The following HERC1 variants were observed in gnomAD, a reference collection of about 807,000 sequenced individuals.
The protein encoded by HERC1 is probable E3 ubiquitin-protein ligase HERC1.
In HERC1, 160 loss-of-function variants were observed where a neutral mutation model predicts 554.3. That is an observed-to-expected ratio of 0.29 (90% CI 0.25 to 0.33). The LOEUF is 0.33. HERC1 is among the 10% of genes least tolerant of loss of function. The pLI is 1.00. For missense variants in HERC1, 4,919 were observed against 5,918.5 expected, an observed-to-expected ratio of 0.83 and a Z score of 5.54; for synonymous variants, 2,175 against 2,131.7, an observed-to-expected ratio of 1.02 and a Z score of -0.56.
In HERC1 at chr15:63,617,254, C is replaced by T. The variant is rs1015301608; in HGVS notation, c.13689-572G>A. Among the ~76,000 whole-genome samples, 14 of 152,186 alleles carry T rather than the reference C, an allele frequency of 9.2e-5. No homozygotes were observed. The East Asian group carries it at 2.1e-3, about 23-fold the overall frequency. On this transcript the variant is annotated intron_variant, in intron 74 of 77. Transcript: ENST00000443617. ...CAATTCCCACCTATGAGTGAGAACA[C>T]GAAGTGTTTGGTTTTTTGTCCTTGC...
chr15:63,808,773 G>C (rs2077208215), intron 1 of HERC1, among the ~76,000 whole-genome samples: 1 of 152,166 alleles, frequency 6.6e-6, no homozygotes, highest in Admixed American at 6.5e-5. Flanking sequence ...GACACTAGAT[G>C]TCAACAGAAG....
intron 56 of HERC1, 103 bp downstream of exon 56, chr15:63,645,380 T>C (rs1404420439): frequency 2.5e-6 from 2 of 805,446 alleles, no homozygotes; most frequent in Non-Finnish European, 3.9e-6. Flanking sequence ...GAATAGCAAC[T>C]GGCAATAAAC....
At chr15:63,809,789 CAAAAA>C (rs34059646) in intron 1 of HERC1, among the ~76,000 whole-genome samples, 2 of 136,154 alleles carry the variant, frequency 1.5e-5, no homozygotes, top group Non-Finnish European at 1.6e-5. Context: ...TTTAGAATAG[CAAAAA>C]AAAAAAAAAA....
chr15:63,651,293 T>A lies in HERC1; in HGVS notation c.10506A>T (p.Ala3502=), dbSNP rs1299800731. ...VSWSISGKYL[A]GALEKMVNIW... is the part of the protein sequence containing the mutation. Reference sequence around the variant, plus strand: ...TATTCACCATCTTTTCCAAAGCGCCTGCTAGATATTTGCCACTGATACTCC... The same window carrying A: ...TATTCACCATCTTTTCCAAAGCGCCAGCTAGATATTTGCCACTGATACTCC... The change falls in exon 53 of 78, where the codon GCA becomes GCT. Residue 3502 remains alanine, a synonymous_variant. Coordinates refer to ENST00000443617, the MANE Select transcript of HERC1 (RefSeq NM_003922.4). 2 of 1,613,900 alleles carry A rather than the reference T, an allele frequency of 1.2e-6. No individual in the cohort carries two copies. The highest frequency in any genetic ancestry group is 2.2e-5 in the South Asian group (2 of 91,082).
At position 63,609,189 on chromosome 15, in the gene HERC1, C is replaced by G; in HGVS notation, c.14478G>C (p.Met4826Ile). 5 of 1,613,770 alleles carry G rather than the reference C, an allele frequency of 3.1e-6. No individual in the cohort carries two copies. Among genetic ancestry groups the G allele is most frequent in the Non-Finnish European group, 4.2e-6 (5 of 1,179,826 alleles). Residue 4826 changes from methionine to isoleucine, a missense_variant, in exon 78 of 78, where the codon ATG becomes ATC. Physicochemically the swap from Met to Ile is conservative, Grantham distance 10. Transcript: ENST00000443617. ...TGATGGCATAGCGCAGGCGCTCGGCCATGACCAGCTGGCTGGAGTACGGGG... is the reference window on the plus strand; with the variant it reads ...TGATGGCATAGCGCAGGCGCTCGGCGATGACCAGCTGGCTGGAGTACGGGG... The part of the protein sequence containing the change: ...RLPPYSSQLV[M>I]AERLRYAINN...
At chr15:63,671,487 T>C (rs2070920997) in intron 39 of HERC1, among the ~76,000 whole-genome samples, 1 of 152,114 alleles carries the variant, frequency 6.6e-6, no homozygotes, top group African/African-American at 2.4e-5. Flanking sequence ...AGAGCTAACA[T>C]GTAGGAGATA....
At chr15:63,665,286 C>T (rs7177972) in intron 42 of HERC1, among the ~76,000 whole-genome samples, 2 of 152,156 alleles carry the variant, frequency 1.3e-5, no homozygotes, top group Admixed American at 6.5e-5. Flanking sequence ...GTAATCCCAG[C>T]ACTTTGGAAG....
chr15:63,619,633 T>C (rs891937530), intron 74 of HERC1, among the ~76,000 whole-genome samples: 43 of 152,348 alleles, frequency 2.8e-4, no homozygotes, highest in Non-Finnish European at 5.6e-4. Flanking sequence ...TCCTGGACTT[T>C]TTTTGGTTGG....
chr15:63,789,985 C>A (rs1387188292), intron 1 of HERC1, among the ~76,000 whole-genome samples: 1 of 151,874 alleles, frequency 6.6e-6, no homozygotes, highest in Non-Finnish European at 1.5e-5. Flanking sequence ...AAAAGGAAAA[C>A]CCCAAAAAGT....
chr15:63,772,669 CAA>C (rs1001548214), intron 2 of HERC1, among the ~76,000 whole-genome samples: 1 of 151,878 alleles, frequency 6.6e-6, no homozygotes, highest in Non-Finnish European at 1.5e-5. Flanking sequence ...TAAGAAAACA[CAA>C]AGAGGCCTAC....
intron 1 of HERC1, among the ~76,000 whole-genome samples, chr15:63,818,175 A>T (rs998021164): frequency 3.9e-5 from 6 of 152,104 alleles, no homozygotes; most frequent in East Asian, 3.9e-4. Flanking sequence ...TTATTTTTAA[A>T]TTTTTTTTAT....
At chr15:63,719,717 G>A (rs569684658) in intron 19 of HERC1, among the ~76,000 whole-genome samples, 4 of 152,158 alleles carry the variant, frequency 2.6e-5, no homozygotes, top group Non-Finnish European at 5.9e-5. Flanking sequence ...GCATTTTGAA[G>A]GCAGAATTGA....
chr15:63,829,479 A>ATAT (rs1555455605), intron 1 of HERC1, among the ~76,000 whole-genome samples: 11,415 of 86,812 alleles, frequency 0.13, 891 homozygotes, highest in Non-Finnish European at 0.16. Flanking sequence ...TGTTTATATA[A>ATAT]ATATATATAT....
chr15:63,631,693 A>G (rs571552557), intron 68 of HERC1, among the ~76,000 whole-genome samples: 1 of 152,282 alleles, frequency 6.6e-6, no homozygotes, highest in South Asian at 2.1e-4. Context: ...GGCGCCTGCC[A>G]CCACGCTCGG....
At position 63,749,370 on chromosome 15, in the gene HERC1, T is replaced by C; in HGVS notation, c.2216A>G (p.Asp739Gly). 5 of 1,603,478 alleles carry C rather than the reference T, an allele frequency of 3.1e-6. No individual in the cohort carries two copies. The highest frequency in any genetic ancestry group is 4.3e-6 in the Non-Finnish European group (5 of 1,176,466). ...TTTTAAACATAGGCACTCTTACCTG[T>C]CCCTAGGAAGAGCAGTCCATGCCAG... ...HSLAWTALPR[D>G]RQVVAWHRPY... is the part of the protein sequence containing the mutation. Residue 739 changes from aspartate (D) to glycine (G), a missense_variant, in exon 10 of 78, where the codon GAC becomes GGC. Asp to Gly is a moderately conservative substitution (Grantham distance 94). Transcript: ENST00000443617. The surrounding 1 kb of genome is among the most constrained non-coding windows in gnomAD (Gnocchi z 4.1).
intron 1 of HERC1, among the ~76,000 whole-genome samples, chr15:63,814,717 C>T (rs968735554): frequency 3.3e-5 from 5 of 152,214 alleles, no homozygotes; most frequent in Non-Finnish European, 5.9e-5. Flanking sequence ...TATCTGCCCG[C>T]CTCGGCCTCC....
chr15:63,814,889 A>T (rs2077445924), intron 1 of HERC1, among the ~76,000 whole-genome samples: 2 of 152,232 alleles, frequency 1.3e-5, no homozygotes, highest in South Asian at 4.1e-4. Flanking sequence ...ATTCATATGA[A>T]AGTATTTTAA....
In HERC1 at chr15:63,713,342, G is replaced by T; in HGVS notation, c.4463+11C>A. The T allele has an allele frequency of 6.2e-7, 1 of 1,608,742 alleles. No homozygotes were observed. The highest frequency in any genetic ancestry group is 8.5e-7 in the Non-Finnish European group (1 of 1,175,778). ...GAGTAGGTCATGTTTTCAGTGTCTA[G>T]TCAGTCCCACCTGGTCATAAGTCCA... On this transcript the variant is annotated intron_variant, in intron 23 of 77. Coordinates refer to ENST00000443617, the MANE Select transcript of HERC1 (RefSeq NM_003922.4).
At chr15:63,832,052 A>G (rs557603570) in intron 1 of HERC1, among the ~76,000 whole-genome samples, 3 of 152,228 alleles carry the variant, frequency 2.0e-5, no homozygotes, top group Non-Finnish European at 4.4e-5. Context: ...AATCCATTCC[A>G]ATAACAACAA....
Sources: gnomAD v4.1 joint callset for allele counts (sites outside exome capture counted in the v4.1 genomes callset) on GRCh38, gnomAD v4.1.1 for gene constraint, Gnocchi (gnomAD v3.1) non-coding constraint, MANE v1.5 for transcripts, NCBI Gene and HGNC (gene_info 2026-07-23, HGNC 2026-07-21) for gene names.